The following GABBR2 variants were observed in gnomAD, a reference collection of about 807,000 sequenced individuals.
GABBR2 encodes gamma-aminobutyric acid type B receptor subunit 2.
A neutral mutation model predicts 105.6 loss-of-function variants in GABBR2; 23 were observed. The observed-to-expected ratio is 0.22, with a 90% confidence interval of 0.16 to 0.31. The LOEUF is 0.31. Ranked by LOEUF, GABBR2 falls within the 10% of genes least tolerant of loss-of-function variation. GABBR2 has a pLI of 1.00. For synonymous variants in GABBR2, 478 were observed against 499.7 expected, an observed-to-expected ratio of 0.96 and a Z score of 0.58; for missense variants, 734 against 1,245.5, an observed-to-expected ratio of 0.59 and a Z score of 6.18.
At chr9:98,299,421 A>G in intron 16 of GABBR2, 68 bp from the exon 17 acceptor site, 4 of 1,582,150 alleles carry the variant, frequency 2.5e-6, no homozygotes, top group Non-Finnish European at 2.6e-6. Flanking sequence ...CACTAGGGCC[A>G]AAAGGTAGCT....
chr9:98,563,174 A>G (rs1161692536), intron 2 of GABBR2, among the ~76,000 whole-genome samples: 1 of 151,976 alleles, frequency 6.6e-6, no homozygotes, highest in Non-Finnish European at 1.5e-5. Flanking sequence ...TATTTTTGAA[A>G]ATCTATGAAT....
intron 6 of GABBR2, among the ~76,000 whole-genome samples, chr9:98,460,373 C>G (rs1826402706): frequency 6.6e-6 from 1 of 151,780 alleles, no homozygotes; most frequent in African/African-American, 2.4e-5. Flanking sequence ...AAGACTCTAT[C>G]TCTAAAATAA....
At chr9:98,681,587 A>G (rs1358039080) in intron 1 of GABBR2, among the ~76,000 whole-genome samples, 2 of 152,002 alleles carry the variant, frequency 1.3e-5, no homozygotes, top group South Asian at 2.1e-4. Flanking sequence ...GTATAATAAA[A>G]AAAAATTTAA....
chr9:98,290,332 G>T lies in GABBR2; in HGVS notation c.*252C>A. ...TCCCAGCGCCTCCTTGTTTGCAGAT[G>T]TTAAGGAAGACGTCCCATTTCCGTT... On this transcript the variant is annotated 3_prime_UTR_variant, in exon 19 of 19. Coordinates refer to ENST00000259455, the MANE Select transcript of GABBR2 (RefSeq NM_005458.8). 5.9e-6 allele frequency: 1 copy of T among 168,692 alleles called. No individual in the cohort carries two copies. Among genetic ancestry groups the T allele is most frequent in the Non-Finnish European group, 1.2e-5 (1 of 86,290 alleles). 10.4% of individuals were successfully genotyped at this position (168,692 alleles called of 1,614,324 possible).
chr9:98,416,152 C>T (rs145623473), intron 7 of GABBR2, among the ~76,000 whole-genome samples: 60 of 152,176 alleles, frequency 3.9e-4, no homozygotes, highest in Admixed American at 3.9e-4. Flanking sequence ...ACAGCTGGCT[C>T]ACAAATTCCT....
At chr9:98,315,537 G>T (rs929748405) in intron 13 of GABBR2, among the ~76,000 whole-genome samples, 1 of 152,226 alleles carries the variant, frequency 6.6e-6, no homozygotes, top group Admixed American at 6.5e-5. Flanking sequence ...TGTACAAGCT[G>T]TAGGTGTTGT....
intron 2 of GABBR2, among the ~76,000 whole-genome samples, chr9:98,567,874 C>T (rs1828773400): frequency 6.6e-6 from 1 of 152,166 alleles, no homozygotes; most frequent in Admixed American, 6.5e-5. Flanking sequence ...CCATGTCTCC[C>T]TCTTTTGGGG....
intron 7 of GABBR2, among the ~76,000 whole-genome samples, chr9:98,445,781 G>A (rs574435268): frequency 2.6e-5 from 4 of 152,336 alleles, no homozygotes; most frequent in East Asian, 3.9e-4. Context: ...CAGCAGGTGT[G>A]AGCCATTAGC....
chr9:98,303,986 A>G (rs1830511030), intron 15 of GABBR2, among the ~76,000 whole-genome samples: 1 of 152,266 alleles, frequency 6.6e-6, no homozygotes, highest in Non-Finnish European at 1.5e-5. Context: ...TTTTGTATAG[A>G]AAACAAAAAG....
intron 14 of GABBR2, 45 bp downstream of exon 14, chr9:98,311,050 C>A (rs576635796): frequency 3.7e-6 from 4 of 1,069,862 alleles, no homozygotes; most frequent in South Asian, 2.6e-5. Context: ...AGAGGCCCAA[C>A]AAAGAAGTGT....
At chr9:98,385,475 C>T (rs1228590278) in intron 11 of GABBR2, among the ~76,000 whole-genome samples, 165 bp downstream of exon 11, 3 of 151,874 alleles carry the variant, frequency 2.0e-5, no homozygotes, top group African/African-American at 7.3e-5. Flanking sequence ...GATGGCCTGA[C>T]AGTAACACCG....
chr9:98,579,408 C>T (rs2131781839), intron 1 of GABBR2, among the ~76,000 whole-genome samples: 1 of 152,294 alleles, frequency 6.6e-6, no homozygotes, highest in East Asian at 1.9e-4. Context: ...TCCATCCCCA[C>T]CTCCCTCAGT....
At chr9:98,415,153 T>TA (rs1832665439) in intron 7 of GABBR2, among the ~76,000 whole-genome samples, 1 of 152,176 alleles carries the variant, frequency 6.6e-6, no homozygotes, top group Non-Finnish European at 1.5e-5. Context: ...CCCCACAAAG[T>TA]AAAAACGTTA....
intron 1 of GABBR2, among the ~76,000 whole-genome samples, chr9:98,614,646 G>A (rs1689661255): frequency 6.6e-6 from 1 of 152,158 alleles, no homozygotes; most frequent in Admixed American, 6.5e-5. Flanking sequence ...ACTATAGATT[G>A]TTTATGGACA....
chr9:98,415,301 G>A (rs917818948), intron 7 of GABBR2, among the ~76,000 whole-genome samples: 1 of 152,008 alleles, frequency 6.6e-6, no homozygotes, highest in Non-Finnish European at 1.5e-5. Context: ...ATGTGATAAG[G>A]AGGCACATTT....
At chr9:98,624,757 G>T (rs1829712051) in intron 1 of GABBR2, among the ~76,000 whole-genome samples, 1 of 152,232 alleles carries the variant, frequency 6.6e-6, no homozygotes, top group Non-Finnish European at 1.5e-5. Context: ...AGAACGCTGA[G>T]GCCGGCTGCT....
chr9:98,490,026 G>C (rs1045888850), intron 4 of GABBR2, among the ~76,000 whole-genome samples: 1 of 152,190 alleles, frequency 6.6e-6, no homozygotes, highest in Non-Finnish European at 1.5e-5. Context: ...CCAGGAAGTG[G>C]AGGTTGCAGT....
chr9:98,625,570 G>A (rs1014389957), intron 1 of GABBR2, among the ~76,000 whole-genome samples: 1 of 152,200 alleles, frequency 6.6e-6, no homozygotes, highest in Non-Finnish European at 1.5e-5. Context: ...TCGCCAGGCT[G>A]CTGAGAGTGT....
rs140036290 is a variant in GABBR2, at chr9:98,580,720, G to A, written c.322-2648C>T. Among the ~76,000 whole-genome samples the A allele has an allele frequency of 5.8e-3, 889 of 152,214 alleles. 2 individuals are homozygous for A. The highest frequency in any genetic ancestry group is 0.02 in the African/African-American group (824 of 41,536). Reference sequence around the variant, plus strand: ...GGAGAATCGCTTGAACCTGGGAGGCGGAGGTTGCAGTGAGCCGAGATCGCG... The same window carrying A: ...GGAGAATCGCTTGAACCTGGGAGGCAGAGGTTGCAGTGAGCCGAGATCGCG... On this transcript the variant is annotated intron_variant, in intron 1 of 18. Transcript: ENST00000259455.
Sources: allele counts gnomAD v4.1 joint callset (sites outside exome capture counted in the v4.1 genomes callset), GRCh38; gene constraint gnomAD v4.1.1; transcripts MANE v1.5; gene names NCBI Gene and HGNC (gene_info 2026-07-23, HGNC 2026-07-21).